The following IQSEC1 variants were observed in gnomAD, a reference collection of about 807,000 sequenced individuals.
The protein encoded by IQSEC1 is IQ motif and Sec7 domain ArfGEF 1.
Under a neutral mutation model 91.0 loss-of-function variants are expected in IQSEC1, and 31 were observed. The ratio of observed to expected loss-of-function variants is 0.34; its 90% CI spans 0.26 to 0.46. IQSEC1 has a LOEUF of 0.46. Among genes scored for constraint, IQSEC1 ranks in the 20% least tolerant of loss-of-function variants. IQSEC1 has a pLI of 1.00. For synonymous variants in IQSEC1, 699 were observed against 662.6 expected, an observed-to-expected ratio of 1.05 and a Z score of -0.84; for missense variants, 1,388 against 1,575.6, an observed-to-expected ratio of 0.88 and a Z score of 2.02.
intron 1 of IQSEC1, among the ~76,000 whole-genome samples, chr3:13,265,480 C>G (rs1695471553): frequency 6.6e-6 from 1 of 152,230 alleles, no homozygotes; most frequent in South Asian, 2.1e-4. Context: ...ACCTTAGGGT[C>G]AGGATCAACA....
At chr3:13,151,985 CAACAAA>C (rs972971783) in intron 2 of IQSEC1, among the ~76,000 whole-genome samples, 54 of 152,096 alleles carry the variant, frequency 3.6e-4, no homozygotes, top group African/African-American at 1.2e-3. Context: ...AAAACAACAA[CAACAAA>C]AACAAAAACA....
chr3:13,002,872 C>T (rs1190440815), intron 1 of IQSEC1, among the ~76,000 whole-genome samples: 3 of 85,738 alleles, frequency 3.5e-5, no homozygotes, highest in South Asian at 1.1e-3. Context: ...CCTCACACAC[C>T]ACTGGTGGGA....
chr3:13,102,137 G>T (rs996765294), intron 2 of IQSEC1, among the ~76,000 whole-genome samples: 1 of 152,088 alleles, frequency 6.6e-6, no homozygotes, highest in Non-Finnish European at 1.5e-5. Context: ...AATTAGTCAG[G>T]CATGGTGATG....
At chr3:13,054,278 G>A (rs776025986) in intron 1 of IQSEC1, among the ~76,000 whole-genome samples, 3 of 152,206 alleles carry the variant, frequency 2.0e-5, no homozygotes, top group African/African-American at 7.2e-5. Context: ...GGGTACACCC[G>A]GATGTCCACC....
chr3:13,005,372 T>C (rs763645264), intron 1 of IQSEC1, among the ~76,000 whole-genome samples: 58 of 152,096 alleles, frequency 3.8e-4, no homozygotes, highest in Non-Finnish European at 6.6e-4. Context: ...TGAGGGGATC[T>C]GGGGGCCCAG....
chr3:12,915,374 A>G (rs1359211509), intron 7 of IQSEC1, among the ~76,000 whole-genome samples: 3 of 152,238 alleles, frequency 2.0e-5, no homozygotes, highest in Non-Finnish European at 4.4e-5. Context: ...CTGCTAGATC[A>G]TTAAGAGCCT....
chr3:13,205,898 TC>T (rs1403400830), intron 1 of IQSEC1, among the ~76,000 whole-genome samples: 1 of 83,136 alleles, frequency 1.2e-5, no homozygotes, highest in African/African-American at 4.8e-5. Flanking sequence ...TCATCCCCCA[TC>T]CCCCATCCAT....
chr3:13,010,499 T>C (rs1559717096), intron 1 of IQSEC1, among the ~76,000 whole-genome samples: 2 of 152,110 alleles, frequency 1.3e-5, no homozygotes, highest in Non-Finnish European at 2.9e-5. Context: ...CCTGGAGCTG[T>C]TGGGGCCATC....
At chr3:13,127,523 G>A (rs985237524) in intron 2 of IQSEC1, among the ~76,000 whole-genome samples, 2 of 151,754 alleles carry the variant, frequency 1.3e-5, no homozygotes, top group African/African-American at 2.4e-5. Context: ...CTTGATTATT[G>A]TAGCTATATA....
At chr3:13,049,853 A>T (rs1228285973) in intron 1 of IQSEC1, among the ~76,000 whole-genome samples, 1 of 152,244 alleles carries the variant, frequency 6.6e-6, no homozygotes, top group Non-Finnish European at 1.5e-5. Context: ...ATGCTGTGGT[A>T]CATGGGTCCA....
chr3:12,979,747 C>T lies in IQSEC1; in HGVS notation c.24-37882G>A, dbSNP rs564938737. Among the ~76,000 whole-genome samples the T allele has an allele frequency of 6.6e-6, 1 of 152,182 alleles. No individual in the cohort carries two copies. The highest frequency in any genetic ancestry group is 2.4e-5 in the African/African-American group (1 of 41,462). On this transcript the variant is annotated intron_variant, in intron 1 of 13. Transcript: ENST00000613206. This position sits in a 1 kb window ranked among gnomAD's most constrained non-coding sequence, Gnocchi z 4.3. ...GATGTCATCAGAAGGGCGGAAAGAG[C>T]ACCGGAAGGAGAACTCTCTCTCATG...
chr3:12,959,468 G>A lies in IQSEC1; in HGVS notation c.24-17603C>T, dbSNP rs1484592396. ...AGCGAGTTCTCCTACCCTGACCCAG[G>A]AAGGCCCTGTCTGATGGAGGAGTCA... On this transcript the variant is annotated intron_variant, in intron 1 of 13. Coordinates refer to ENST00000613206, the MANE Select transcript of IQSEC1 (RefSeq NM_001134382.3). 9.8e-5 allele frequency among the ~76,000 whole-genome samples: 15 copies of A among 152,324 alleles called. No individual in the cohort carries two copies. The East Asian group carries it at 2.5e-3, about 25-fold the overall frequency.
chr3:13,077,480 T>C (rs954155119), upstream of IQSEC1, among the ~76,000 whole-genome samples: 10 of 152,184 alleles, frequency 6.6e-5, no homozygotes, highest in Non-Finnish European at 1.5e-4. Flanking sequence ...TTGCATATCT[T>C]TTTCTGCAAC....
intron 1 of IQSEC1, among the ~76,000 whole-genome samples, chr3:13,269,615 C>A: frequency 6.6e-6 from 1 of 152,212 alleles, no homozygotes; most frequent in Non-Finnish European, 1.5e-5. Context: ...GAGAATGCCA[C>A]AGACACAGCC....
chr3:13,037,654 A>G (rs568598640), intron 1 of IQSEC1, among the ~76,000 whole-genome samples: 2 of 152,366 alleles, frequency 1.3e-5, no homozygotes, highest in South Asian at 2.1e-4. Flanking sequence ...AACGTGGTCC[A>G]TACTTATAGT....
chr3:13,221,088 C>T (rs1409819325), intron 1 of IQSEC1, among the ~76,000 whole-genome samples: 12 of 152,226 alleles, frequency 7.9e-5, no homozygotes, highest in Admixed American at 7.8e-4. Flanking sequence ...ATAAGCAGGG[C>T]TGTCGCTGGA....
At chr3:13,187,144 A>G (rs935477271) in intron 1 of IQSEC1, among the ~76,000 whole-genome samples, 1 of 152,058 alleles carries the variant, frequency 6.6e-6, no homozygotes, top group Admixed American at 6.6e-5. Context: ...CCAACCATTC[A>G]TCGTCCTACC....
At chr3:13,081,255 T>G (rs1705643222) in intron 2 of IQSEC1, among the ~76,000 whole-genome samples, 1 of 152,220 alleles carries the variant, frequency 6.6e-6, no homozygotes, top group African/African-American at 2.4e-5. Context: ...CTTTATTTAT[T>G]CCTTCAACTT....
At chr3:12,951,123 A>T (rs1005646679) in intron 1 of IQSEC1, among the ~76,000 whole-genome samples, 1 of 152,290 alleles carries the variant, frequency 6.6e-6, no homozygotes, top group East Asian at 1.9e-4. Context: ...AAAAACTTTT[A>T]AAAAGTTATA....
Sources: gnomAD v4.1 joint callset for allele counts (sites outside exome capture counted in the v4.1 genomes callset) on GRCh38, gnomAD v4.1.1 for gene constraint, Gnocchi (gnomAD v3.1) non-coding constraint, MANE v1.5 for transcripts, NCBI Gene and HGNC (gene_info 2026-07-23, HGNC 2026-07-21) for gene names.